The following ZNF441 variants were observed in gnomAD, a reference collection of about 807,000 sequenced individuals.
ZNF441 encodes the protein zinc finger protein 441.
A neutral mutation model predicts 64.5 loss-of-function variants in ZNF441; 25 were observed. The observed-to-expected ratio is 0.39, with a 90% CI of 0.28 to 0.54. The LOEUF is 0.54. Ranked by LOEUF, ZNF441 falls within the 20% of genes least tolerant of loss-of-function variation. ZNF441 has a pLI of 0.70. For synonymous variants in ZNF441, 262 were observed against 268.0 expected (o/e 0.98, Z 0.22); for missense variants, 715 against 843.3 (o/e 0.85, Z 1.88).
intron 1 of ZNF441, among the ~76,000 whole-genome samples, chr19:11,773,507 A>AT (rs1975331613): frequency 6.6e-6 from 1 of 152,064 alleles, no homozygotes; most frequent in African/African-American, 2.4e-5. Flanking sequence ...ATCATTAGTG[A>AT]TTTTCTGCCA....
intron 1 of ZNF441, among the ~76,000 whole-genome samples, chr19:11,771,141 A>G (rs1009136442): frequency 6.6e-5 from 10 of 152,194 alleles, no homozygotes; most frequent in East Asian, 1.9e-4. Context: ...GGTTCCTTCA[A>G]AAGATCAATA....
intron 1 of ZNF441, among the ~76,000 whole-genome samples, chr19:11,769,986 T>C (rs1254215770): frequency 6.6e-6 from 1 of 152,100 alleles, no homozygotes; most frequent in Non-Finnish European, 1.5e-5. Context: ...GGCCTCTTTC[T>C]TGATTTGCAG....
chr19:11,772,786 A>C (rs409210), intron 1 of ZNF441, among the ~76,000 whole-genome samples: 3 of 151,468 alleles, frequency 2.0e-5, no homozygotes, highest in Non-Finnish European at 4.4e-5. Context: ...CCAGCCACTC[A>C]GGAAGCTGAG....
chr19:11,776,646 A>G (rs993137215), intron 1 of ZNF441, among the ~76,000 whole-genome samples: 1 of 152,146 alleles, frequency 6.6e-6, no homozygotes, highest in African/African-American at 2.4e-5. Flanking sequence ...TTGGGATGGT[A>G]AAATATCCTT....
At position 11,767,219 on chromosome 19, in the gene ZNF441, C is replaced by T. The variant is rs780719432; in HGVS notation, c.3+23C>T. On this transcript the variant is annotated intron_variant, in intron 1 of 3. Transcript: ENST00000357901. The surrounding 1 kb of genome is among the most constrained non-coding windows in gnomAD (Gnocchi z 5.1). ...ATGGTGAGTGTGTGAGGTCTGGTGT[C>T]CCGACGCGTGAGAGGAGAGACTGGT... 48 of 1,557,988 alleles carry T rather than the reference C, an allele frequency of 3.1e-5. 1 individual carries two copies. The Admixed American group carries it at 9.3e-4, about 30-fold the overall frequency.
At position 11,780,032 on chromosome 19, in the gene ZNF441, G is replaced by T. The variant is rs756766663; in HGVS notation, c.208G>T (p.Glu70Ter). ...TATTTTTTACAGATGTCATATGGTA[G>T]AGAGAGCCTGTGAAATTAAAGATAA... ...LRRNLRCHMV[E>*]RACEIKDNSQ... is the part of the protein sequence containing the mutation. Residue 70 changes from glutamate to a stop codon, truncating the protein, a stop_gained, in exon 4 of 4, where the codon GAG (glutamate) becomes TAG (stop). Coordinates refer to ENST00000357901, the MANE Select transcript of ZNF441 (RefSeq NM_152355.3). LOFTEE classifies it high-confidence loss of function. 6.2e-7 allele frequency: 1 copy of T among 1,611,040 alleles called. No individual in the cohort carries two copies. The highest frequency in any genetic ancestry group is 1.1e-5 in the South Asian group (1 of 91,022).
Position 11,767,316 on chromosome 19 carries a change from C to T in ZNF441, c.3+120C>T, listed in dbSNP as rs980370844. On this transcript the variant is annotated intron_variant, in intron 1 of 3. Transcript: ENST00000357901. The surrounding 1 kb of genome is among the most constrained non-coding windows in gnomAD (Gnocchi z 5.1). Reference sequence around the variant, plus strand: ...GGCGACACCCTGGCGCAGCTCGGCCCTCGGTTCCCTCGGCCGCACGATGGG... The same window carrying T: ...GGCGACACCCTGGCGCAGCTCGGCCTTCGGTTCCCTCGGCCGCACGATGGG... The T allele has an allele frequency of 9.6e-6, 14 of 1,457,380 alleles. No individual in the cohort carries two copies. The highest frequency in any genetic ancestry group is 4.1e-5 in the Admixed American group (2 of 49,002). The allele number at this position is 1,457,380 out of a possible 1,614,324, so 90.3% of individuals were successfully genotyped here. A position where few individuals can be genotyped will look rare whatever the true frequency, so the allele number is the denominator to read the frequency against.
chr19:11,767,367 G>C lies in ZNF441; in HGVS notation c.3+171G>C, dbSNP rs1211434530. ...GCTGGGGCGGCAGCCGGGACCCCGG[G>C]CGTCCTGTCCCGTCCCTGCGCGGCC... On this transcript the variant is annotated intron_variant, in intron 1 of 3. Transcript: ENST00000357901. The surrounding 1 kb of genome is among the most constrained non-coding windows in gnomAD (Gnocchi z 5.1). 1.3e-5 allele frequency among the ~76,000 whole-genome samples: 2 copies of C among 152,212 alleles called. No homozygotes were observed. Among genetic ancestry groups the C allele is most frequent in the Middle Eastern group, 3.2e-3 (1 of 314 alleles).
At chr19:11,778,929 A>G (rs1164291577) in intron 3 of ZNF441, among the ~76,000 whole-genome samples, 2 of 152,218 alleles carry the variant, frequency 1.3e-5, no homozygotes, top group Non-Finnish European at 2.9e-5. Context: ...GAATGTCACT[A>G]TCTTCAAAAC....
chr19:11,773,066 C>T (rs1274642770), intron 1 of ZNF441, among the ~76,000 whole-genome samples: 1 of 152,202 alleles, frequency 6.6e-6, no homozygotes, highest in Non-Finnish European at 1.5e-5. Context: ...GCTGGGATTA[C>T]AGGTGTGAGC....
At chr19:11,773,158 T>A (rs984727799) in intron 1 of ZNF441, among the ~76,000 whole-genome samples, 2 of 152,204 alleles carry the variant, frequency 1.3e-5, no homozygotes, top group African/African-American at 2.4e-5. Context: ...ACTCTTTTTT[T>A]ATCAACATTG....
intron 2 of ZNF441, 188 bp from the exon 3 acceptor site, chr19:11,778,142 G>T (rs1335009643): frequency 7.5e-6 from 4 of 531,396 alleles, no homozygotes; most frequent in South Asian, 2.9e-5. Context: ...GGTTGGTCTT[G>T]CTGTCTCAAG....
intron 3 of ZNF441, 23 bp from the exon 4 acceptor site, chr19:11,779,995 TA>T (rs1467508866): frequency 8.5e-6 from 13 of 1,525,044 alleles, no homozygotes; most frequent in Non-Finnish European, 1.2e-5. Context: ...AAACCTTTAC[TA>T]ATGTACTTCT....
intron 1 of ZNF441, among the ~76,000 whole-genome samples, chr19:11,773,004 G>C (rs1433828871): frequency 1.3e-5 from 2 of 152,148 alleles, no homozygotes; most frequent in Non-Finnish European, 2.9e-5. Context: ...TGTTAACGAG[G>C]ATAGTCTCAA....
chr19:11,780,061 T>C lies in ZNF441; in HGVS notation c.237T>C (p.Ser79=). 1 of 1,613,864 alleles carries C rather than the reference T, an allele frequency of 6.2e-7. No individual in the cohort carries two copies. Among genetic ancestry groups the C allele is most frequent in the Non-Finnish European group, 8.5e-7 (1 of 1,179,754 alleles). Residue 79 remains serine, a synonymous_variant, in exon 4 of 4, where the codon AGT becomes AGC. Coordinates refer to ENST00000357901, the MANE Select transcript of ZNF441 (RefSeq NM_152355.3). ...GAGCCTGTGAAATTAAAGATAATAG[T>C]CAATGTGGAGGACCCTTTACCCAGA... ...VERACEIKDN[S]QCGGPFTQTQ...
At chr19:11,778,527 T>G in intron 3 of ZNF441, 134 bp downstream of exon 3, 1 of 666,062 alleles carries the variant, frequency 1.5e-6, no homozygotes, top group Non-Finnish European at 2.5e-6. Flanking sequence ...GGTATGATCA[T>G]AGCTCGCTGT....
Position 11,780,537 on chromosome 19 carries a change from C to G in ZNF441, c.713C>G (p.Ser238Cys), listed in dbSNP as rs777604162. ...TCTACAGCGTTTCCTGCTTATAGTT[C>G]CACTCTAAGACATGAAAGAACACAC... ...QCSTAFPAYS[S>C]TLRHERTHSG... Residue 238 changes from serine (S) to cysteine (C), a missense_variant, in exon 4 of 4, where the codon TCC (serine) becomes TGC (cysteine). Ser to Cys is a moderately radical substitution (Grantham distance 112). This residue lies in a region of ZNF441 where 399 missense variants were observed against 413.9 expected (regional missense o/e 0.96). Transcript: ENST00000357901. 12 of 1,613,934 alleles carry G rather than the reference C, an allele frequency of 7.4e-6. No individual in the cohort carries two copies. The highest frequency in any genetic ancestry group is 5.3e-5 in the African/African-American group (4 of 74,888).
At position 11,781,414 on chromosome 19, in the gene ZNF441, C is replaced by T; in HGVS notation, c.1590C>T (p.Pro530=). ...AAAGAATTCACACTGGGGAGAGACC[C>T]TATAAGTGTAAACTATGTGGGAAAG... ...RHERIHTGER[P]YKCKLCGKGF... The change falls in exon 4 of 4, where the codon CCC becomes CCT. Residue 530 remains proline (P), a synonymous_variant. Transcript: ENST00000357901. 1 of 1,613,974 alleles carries T rather than the reference C, an allele frequency of 6.2e-7. No individual in the cohort carries two copies. The highest frequency in any genetic ancestry group is 1.1e-5 in the South Asian group (1 of 91,070).
intron 1 of ZNF441, among the ~76,000 whole-genome samples, chr19:11,776,839 T>G (rs1469323135): frequency 6.6e-6 from 1 of 151,090 alleles, no homozygotes; most frequent in Non-Finnish European, 1.5e-5. Flanking sequence ...GCGGAGTTTC[T>G]CTCTTGTTGC....
Sources: allele counts gnomAD v4.1 joint callset (sites outside exome capture counted in the v4.1 genomes callset), GRCh38; gene constraint gnomAD v4.1.1; regional missense constraint gnomAD v4.1.1; non-coding constraint Gnocchi (gnomAD v3.1); transcripts MANE v1.5; gene names NCBI Gene and HGNC (gene_info 2026-07-23, HGNC 2026-07-21).